Variants in ANK3 observed in about 807,000 individuals in gnomAD.
ANK3 encodes the protein ankyrin-3.
ANK3 carries 57 observed loss-of-function variants against 370.9 expected under a neutral mutation model. The observed-to-expected ratio is 0.15, with a 90% CI of 0.12 to 0.19. The LOEUF (loss-of-function observed/expected upper bound fraction) is 0.19. Ranked by LOEUF, ANK3 falls within the 10% of genes least tolerant of loss-of-function variation. The probability of loss-of-function intolerance (pLI) is 1.00; values close to 1 mark genes in which losing one functional copy is unlikely to be tolerated. For missense variants in ANK3, 4,439 were observed against 5,302.1 expected, an observed-to-expected ratio of 0.84 and a Z score of 5.06; for synonymous variants, 1,929 against 1,946.3, an observed-to-expected ratio of 0.99 and a Z score of 0.23.
At chr10:60,654,798 G>A (rs1366929218) in intron 1 of ANK3, among the ~76,000 whole-genome samples, 1 of 152,076 alleles carries the variant, frequency 6.6e-6, no homozygotes, top group African/African-American at 2.4e-5. Flanking sequence ...TTTAGAAAAT[G>A]GATTGAAAAG....
At chr10:60,342,558 A>G (rs1473404) in intron 1 of ANK3, among the ~76,000 whole-genome samples, 106,090 of 152,062 alleles carry the variant, frequency 0.7, 38,292 homozygotes, top group South Asian at 0.91. Flanking sequence ...GGCAGTACTT[A>G]ATTACATCAT....
At chr10:60,301,006 CT>C (rs1435307415) in intron 1 of ANK3, among the ~76,000 whole-genome samples, 1 of 151,482 alleles carries the variant, frequency 6.6e-6, no homozygotes, top group East Asian at 1.9e-4. Flanking sequence ...AACCAATTTC[CT>C]TTTGTCAAAG....
intron 12 of ANK3, among the ~76,000 whole-genome samples, chr10:60,200,949 A>G (rs1008284825): frequency 2.6e-5 from 4 of 152,220 alleles, no homozygotes; most frequent in Admixed American, 2.6e-4. Context: ...ATTCTAATCC[A>G]GATTACTTCT....
intron 1 of ANK3, among the ~76,000 whole-genome samples, chr10:60,645,465 C>T (rs1269231316): frequency 1.3e-5 from 2 of 152,154 alleles, no homozygotes; most frequent in Non-Finnish European, 2.9e-5. Context: ...TGGCTCACAC[C>T]TGTAATCCCA....
intron 30 of ANK3, among the ~76,000 whole-genome samples, chr10:60,086,076 A>G (rs189857765): frequency 9.4e-4 from 143 of 152,344 alleles, no homozygotes; most frequent in Admixed American, 1.6e-3. Context: ...ATCTTTAATA[A>G]TCTTGGAATT....
chr10:60,248,310 A>G (rs2097585980), intron 7 of ANK3, among the ~76,000 whole-genome samples: 2 of 152,206 alleles, frequency 1.3e-5, no homozygotes, highest in Non-Finnish European at 2.9e-5. Context: ...AAGAGTTCCC[A>G]TATCTTCACA....
chr10:60,276,376 A>G (rs974982812), intron 4 of ANK3, among the ~76,000 whole-genome samples: 8 of 152,156 alleles, frequency 5.3e-5, no homozygotes, highest in African/African-American at 1.4e-4. Context: ...GTTACTCTTT[A>G]TAACAGTTCC....
intron 1 of ANK3, among the ~76,000 whole-genome samples, chr10:60,719,150 T>G (rs888383136): frequency 6.6e-6 from 1 of 152,116 alleles, no homozygotes; most frequent in African/African-American, 2.4e-5. Flanking sequence ...GCTTGGTAAC[T>G]TGCTTTTTTG....
chr10:60,316,639 A>G (rs2047476379), intron 1 of ANK3, among the ~76,000 whole-genome samples: 1 of 152,258 alleles, frequency 6.6e-6, no homozygotes, highest in Non-Finnish European at 1.5e-5. Context: ...AAAAAGGAAG[A>G]GAACGTGGTT....
At chr10:60,249,812 T>TGAGCACCGTGCTGACTCTCCCCAC (rs2097620221) in intron 7 of ANK3, among the ~76,000 whole-genome samples, 1 of 152,140 alleles carries the variant, frequency 6.6e-6, no homozygotes, top group Non-Finnish European at 1.5e-5. Flanking sequence ...GGCTGCCCAC[T>TGAGCACCGTGCTGACTCTCCCCAC]GAGCACCGTG....
intron 1 of ANK3, among the ~76,000 whole-genome samples, chr10:60,301,801 T>C (rs1369710423): frequency 6.6e-6 from 1 of 152,222 alleles, no homozygotes; most frequent in East Asian, 1.9e-4. Context: ...CTTTTTACTG[T>C]TCTCACACTT....
chr10:60,460,581 T>C (rs1254481139), intron 2 of ANK3, among the ~76,000 whole-genome samples: 1 of 152,172 alleles, frequency 6.6e-6, no homozygotes, highest in African/African-American at 2.4e-5. Context: ...TGTCATTTTA[T>C]ATCTGAATTT....
intron 28 of ANK3, among the ~76,000 whole-genome samples, chr10:60,102,985 G>T (rs1311416834): frequency 2.0e-5 from 3 of 151,266 alleles, no homozygotes; most frequent in Non-Finnish European, 4.4e-5. Flanking sequence ...ACAAAGTCTT[G>T]CTGTCGTCAG....
At chr10:60,116,835 C>T (rs1377919054) in intron 25 of ANK3, among the ~76,000 whole-genome samples, 1 of 151,950 alleles carries the variant, frequency 6.6e-6, no homozygotes, top group Non-Finnish European at 1.5e-5. Flanking sequence ...GAAACTTTTC[C>T]AGAGCCAAAG....
chr10:60,552,397 GA>G (rs1294418506), intron 2 of ANK3, among the ~76,000 whole-genome samples: 2 of 152,152 alleles, frequency 1.3e-5, no homozygotes, highest in African/African-American at 4.8e-5. Context: ...ATACATATGT[GA>G]GATTTCAACA....
At chr10:60,370,833 C>G (rs997042577) in intron 1 of ANK3, among the ~76,000 whole-genome samples, 1 of 152,102 alleles carries the variant, frequency 6.6e-6, no homozygotes, top group Admixed American at 6.6e-5. Flanking sequence ...TCTGAAAACT[C>G]AAGCTAAACA....
intron 1 of ANK3, among the ~76,000 whole-genome samples, chr10:60,678,182 C>A (rs929386342): frequency 3.0e-4 from 46 of 152,136 alleles, no homozygotes; most frequent in Admixed American, 2.1e-3. Context: ...AAAACCATAA[C>A]AGAAATTGAA....
chr10:60,059,584 G>A, intron 40 of ANK3, 154 bp from the exon 41 acceptor site: 1 of 1,292,928 alleles, frequency 7.7e-7, no homozygotes, highest in Admixed American at 1.9e-5. Context: ...TCCTCATCAG[G>A]ACCAGATTTT....
intron 2 of ANK3, among the ~76,000 whole-genome samples, chr10:60,480,358 AAG>A (rs886082279): frequency 2.0e-5 from 3 of 151,974 alleles, no homozygotes; most frequent in African/African-American, 7.3e-5. Context: ...CTTGAAGGGG[AAG>A]AGGAGAATGA....
Sources: gnomAD v4.1 joint callset for allele counts (sites outside exome capture counted in the v4.1 genomes callset) on GRCh38, gnomAD v4.1.1 for gene constraint, MANE v1.5 for transcripts, NCBI Gene and HGNC (gene_info 2026-07-23, HGNC 2026-07-21) for gene names.